DNAH7: variants seen among roughly 807,000 people sequenced by gnomAD.
The protein encoded by DNAH7 is axonemal beta dynein heavy chain 7.
DNAH7 carries 397 observed loss-of-function variants against 444.6 expected under a neutral mutation model. The observed-to-expected ratio is 0.89, with a 90% CI of 0.82 to 0.97. The LOEUF is 0.97. DNAH7 is among the 50% of genes least tolerant of loss of function. The pLI is 0.00. For synonymous variants in DNAH7, 1,636 were observed against 1,624.4 expected, an observed-to-expected ratio of 1.01 and a Z score of -0.17; for missense variants, 4,902 against 4,800.8, an observed-to-expected ratio of 1.02 and a Z score of -0.62.
At chr2:195,926,185 A>G (rs1321108033) in intron 22 of DNAH7, among the ~76,000 whole-genome samples, 2 of 152,144 alleles carry the variant, frequency 1.3e-5, no homozygotes, top group African/African-American at 2.4e-5. Context: ...TTCAAGTATC[A>G]TTGACTTTTA....
chr2:195,967,998 G>A (rs931742150), intron 17 of DNAH7, among the ~76,000 whole-genome samples: 6 of 152,132 alleles, frequency 3.9e-5, no homozygotes, highest in African/African-American at 9.7e-5. Flanking sequence ...TGCCACCACT[G>A]GCCCATGGGC....
At chr2:195,776,792 C>T (rs772306375) in intron 59 of DNAH7, among the ~76,000 whole-genome samples, 16 of 152,030 alleles carry the variant, frequency 1.1e-4, no homozygotes, top group Non-Finnish European at 2.4e-4. Flanking sequence ...TTTAAATGGA[C>T]GTCTATTAAA....
intron 7 of DNAH7, 118 bp from the exon 8 acceptor site, chr2:196,024,622 A>AAT: frequency 1.9e-6 from 1 of 534,484 alleles, no homozygotes; most frequent in Non-Finnish European, 3.0e-6. Flanking sequence ...AAAGTTGTTT[A>AAT]ATAATGAGAA....
intron 51 of DNAH7, among the ~76,000 whole-genome samples, chr2:195,812,921 T>C (rs772025640): frequency 2.0e-5 from 3 of 152,232 alleles, no homozygotes; most frequent in South Asian, 2.1e-4. Context: ...AGCTTCTTAA[T>C]TGGAAACTCT....
intron 24 of DNAH7, among the ~76,000 whole-genome samples, chr2:195,915,742 T>A (rs1687636287): frequency 1.3e-5 from 2 of 152,140 alleles, no homozygotes; most frequent in South Asian, 4.1e-4. Context: ...TGCAACTAGA[T>A]GAATTAGATC....
At chr2:195,921,352 TACACAC>T (rs140152411) in intron 24 of DNAH7, among the ~76,000 whole-genome samples, 2,109 of 140,436 alleles carry the variant, frequency 0.015, 40 homozygotes, top group African/African-American at 0.043. Flanking sequence ...AAATGTGGTG[TACACAC>T]ACACACACAC....
intron 5 of DNAH7, among the ~76,000 whole-genome samples, chr2:196,040,959 A>G (rs1559361229): frequency 1.3e-5 from 2 of 152,068 alleles, no homozygotes; most frequent in Admixed American, 6.5e-5. Context: ...AATCCAATTT[A>G]TAACAGCTAA....
At chr2:195,967,402 T>TAAAC (rs1314063043) in intron 17 of DNAH7, among the ~76,000 whole-genome samples, 1 of 152,196 alleles carries the variant, frequency 6.6e-6, no homozygotes, top group African/African-American at 2.4e-5. Flanking sequence ...ATACCACAAT[T>TAAAC]AAACAGTATT....
At chr2:195,969,588 A>T (rs1295378452) in intron 17 of DNAH7, among the ~76,000 whole-genome samples, 4 of 152,168 alleles carry the variant, frequency 2.6e-5, no homozygotes, top group African/African-American at 4.8e-5. Flanking sequence ...AAGATGGAAG[A>T]ACTAAACCGT....
chr2:195,976,125 C>T (rs990113493), intron 15 of DNAH7, among the ~76,000 whole-genome samples: 1 of 151,898 alleles, frequency 6.6e-6, no homozygotes, highest in Admixed American at 6.6e-5. Flanking sequence ...AGTGGGATCT[C>T]GGGATCCCCA....
At chr2:195,983,171 T>C (rs999647744) in intron 15 of DNAH7, among the ~76,000 whole-genome samples, 1 of 151,960 alleles carries the variant, frequency 6.6e-6, no homozygotes, top group Non-Finnish European at 1.5e-5. Flanking sequence ...AATGGAAAAA[T>C]ACCACAAAAA....
intron 28 of DNAH7, among the ~76,000 whole-genome samples, chr2:195,898,879 A>T (rs1437383947): frequency 6.6e-6 from 1 of 152,230 alleles, no homozygotes; most frequent in East Asian, 1.9e-4. Context: ...TGTTCACATG[A>T]ATTTACAAAA....
At chr2:195,887,708 C>CA (rs1297572113) in intron 33 of DNAH7, among the ~76,000 whole-genome samples, 1 of 152,174 alleles carries the variant, frequency 6.6e-6, no homozygotes, top group Non-Finnish European at 1.5e-5. Context: ...AGAAATTAAA[C>CA]ATTCTTGCTC....
intron 63 of DNAH7, among the ~76,000 whole-genome samples, chr2:195,748,213 C>A (rs1693547540): frequency 6.6e-6 from 1 of 152,164 alleles, no homozygotes; most frequent in Non-Finnish European, 1.5e-5. Context: ...AGAGCCAAAT[C>A]ATGAGTGAAC....
At chr2:195,902,542 G>C (rs1218320066) in intron 27 of DNAH7, 1 of 152,000 alleles carries the variant, frequency 6.6e-6, no homozygotes. Flanking sequence ...TTCTACAATA[G>C]CACAAATTCC....
chr2:195,964,300 G>A (rs1691314409), intron 17 of DNAH7, among the ~76,000 whole-genome samples: 2 of 152,048 alleles, frequency 1.3e-5, no homozygotes, highest in African/African-American at 2.4e-5. Flanking sequence ...CTTTTTATGT[G>A]TCACCTTCAA....
Position 195,926,560 on chromosome 2 carries a change from C to A in DNAH7, c.3478G>T (p.Gly1160Ter). The A allele has an allele frequency of 6.3e-7, 1 of 1,592,566 alleles. No individual in the cohort carries two copies. ...VMINSIHKVT[G>*]DATFAYTKYE... ...TTTGTATAGGCAAAAGTTGCATCTC[C>A]AGTTACCTAATCAAAAAAGAATATG... The change falls in exon 22 of 65, where the codon GGA becomes TGA. Residue 1160 changes from glycine to a stop codon, truncating the protein, a stop_gained. Coordinates refer to ENST00000312428, the MANE Select transcript of DNAH7 (RefSeq NM_018897.3). LOFTEE classifies it high-confidence loss of function.
At chr2:195,865,095 A>G in intron 40 of DNAH7, 74 bp from the exon 41 acceptor site, 1 of 1,403,300 alleles carries the variant, frequency 7.1e-7, no homozygotes, top group Non-Finnish European at 9.5e-7. Context: ...ATCTGTGCTA[A>G]TCTCAGGTAA....
At chr2:196,008,818 T>C (rs992411138) in intron 10 of DNAH7, among the ~76,000 whole-genome samples, 7 of 152,218 alleles carry the variant, frequency 4.6e-5, no homozygotes, top group African/African-American at 1.7e-4. Context: ...AGTTTCTTTC[T>C]AGGGCGTATT....
Sources: allele counts gnomAD v4.1 joint callset (sites outside exome capture counted in the v4.1 genomes callset), GRCh38; gene constraint gnomAD v4.1.1; transcripts MANE v1.5; gene names NCBI Gene and HGNC (gene_info 2026-07-23, HGNC 2026-07-21).